Variants in TNFSF13B observed in about 807,000 individuals in gnomAD.
TNFSF13B encodes TNF superfamily member 13b.
In TNFSF13B, 8 loss-of-function variants were observed where a neutral mutation model predicts 29.1. The ratio of observed to expected loss-of-function variants is 0.27; its 90% CI spans 0.16 to 0.50. The LOEUF is 0.50. Ranked by LOEUF, TNFSF13B falls within the 20% of genes least tolerant of loss-of-function variation. The pLI is 0.98. For missense variants in TNFSF13B, 248 were observed against 334.9 expected (o/e 0.74, Z 2.03); for synonymous variants, 125 against 130.8 (o/e 0.96, Z 0.30).
In TNFSF13B at chr13:108,269,886, A is replaced by G. The variant is rs371268283; in HGVS notation, c.-10A>G. The G allele has an allele frequency of 3.8e-6, 6 of 1,590,650 alleles. No homozygotes were observed. The African/African-American group carries it at 8.1e-5, about 22-fold the overall frequency. On this transcript the variant is annotated 5_prime_UTR_variant, in exon 1 of 6. Transcript: ENST00000375887. ...CTAAAGGCCCCAACCTTCAAAGTTC[A>G]AGTAGTGATATGGATGACTCCACAG...
chr13:108,273,872 C>G (rs1453957584), intron 2 of TNFSF13B, among the ~76,000 whole-genome samples: 1 of 152,050 alleles, frequency 6.6e-6, no homozygotes, highest in Non-Finnish European at 1.5e-5. Context: ...GTTTGAACCG[C>G]GAGGGTCCCC....
intron 2 of TNFSF13B, among the ~76,000 whole-genome samples, chr13:108,284,896 G>T (rs921210019): frequency 6.6e-6 from 1 of 152,116 alleles, no homozygotes; most frequent in Admixed American, 6.5e-5. Context: ...GTACGCTTGG[G>T]GCTTTAGCTG....
intron 2 of TNFSF13B, among the ~76,000 whole-genome samples, chr13:108,278,707 C>T (rs1476052928): frequency 6.8e-6 from 1 of 147,758 alleles, no homozygotes; most frequent in African/African-American, 2.5e-5. Context: ...CCTCCTCCTC[C>T]CCTTCTCTTC....
At chr13:108,306,410 G>GTA (rs1189007940) in intron 5 of TNFSF13B, among the ~76,000 whole-genome samples, 1 of 151,752 alleles carries the variant, frequency 6.6e-6, no homozygotes, top group Admixed American at 6.6e-5. Flanking sequence ...GGAATATCTA[G>GTA]TATATATATG....
At chr13:108,275,979 A>G (rs988118610) in intron 2 of TNFSF13B, among the ~76,000 whole-genome samples, 3 of 152,210 alleles carry the variant, frequency 2.0e-5, no homozygotes, top group Admixed American at 6.5e-5. Context: ...AAACCTTTCT[A>G]ATTGCTAAAA....
intron 2 of TNFSF13B, among the ~76,000 whole-genome samples, chr13:108,272,760 A>G (rs1880655725): frequency 6.6e-6 from 1 of 152,056 alleles, no homozygotes; most frequent in Admixed American, 6.5e-5. Context: ...AGAGGCTTCA[A>G]TAACTAGTAG....
chr13:108,282,297 T>A (rs1489308211), intron 2 of TNFSF13B, among the ~76,000 whole-genome samples: 3 of 152,218 alleles, frequency 2.0e-5, no homozygotes, highest in Non-Finnish European at 4.4e-5. Context: ...CTGCAGTAAT[T>A]GCGTTATTTA....
rs779925647 is a variant in TNFSF13B at position 108,270,159 on chromosome 13, G to A, written c.264G>A (p.Ala88=). The part of the protein sequence containing the change: ...SLRAELQGHH[A]EKLPAGAGAP... ...GGGCAGAGCTGCAGGGCCACCACGC[G>A]GAGAAGCTGCCAGCAGGAGCAGGAG... The change falls in exon 1 of 6, where the codon GCG becomes GCA. Residue 88 remains alanine (A), a synonymous_variant. Transcript: ENST00000375887. 3.1e-6 allele frequency: 5 copies of A among 1,601,992 alleles called. No homozygotes were observed. The highest frequency in any genetic ancestry group is 2.2e-5 in the South Asian group (2 of 91,052).
chr13:108,275,177 C>T (rs1358559500), intron 2 of TNFSF13B, among the ~76,000 whole-genome samples: 3 of 151,874 alleles, frequency 2.0e-5, no homozygotes, highest in Non-Finnish European at 4.4e-5. Context: ...GGAGATATTC[C>T]CAATTTAAAA....
At position 108,306,839 on chromosome 13, in the gene TNFSF13B, G is replaced by A. The variant is rs764587437; in HGVS notation, c.759G>A (p.Leu253=). 2 of 1,607,430 alleles carry A rather than the reference G, an allele frequency of 1.2e-6. No individual in the cohort carries two copies. The highest frequency in any genetic ancestry group is 1.3e-5 in the African/African-American group (1 of 74,350). The change falls in exon 6 of 6, where the codon CTG becomes CTA. Residue 253 remains leucine, a synonymous_variant. Coordinates refer to ENST00000375887, the MANE Select transcript of TNFSF13B (RefSeq NM_006573.5). Reference sequence around the variant, plus strand: ...ATTTTTTCCCAGGCATTGCAAAACTGGAAGAAGGAGATGAACTCCAACTTG... The same window carrying A: ...ATTTTTTCCCAGGCATTGCAAAACTAGAAGAAGGAGATGAACTCCAACTTG... ...NSCYSAGIAK[L]EEGDELQLAI...
intron 2 of TNFSF13B, among the ~76,000 whole-genome samples, chr13:108,284,283 C>T (rs1486035188): frequency 2.0e-5 from 3 of 152,038 alleles, no homozygotes; most frequent in African/African-American, 7.2e-5. Context: ...GAGCTGAGAT[C>T]GCGCCACTGC....
rs1041922122 is a variant in TNFSF13B at position 108,298,171 on chromosome 13, C to T, written c.482-5082C>T. Among the ~76,000 whole-genome samples the T allele has an allele frequency of 4.8e-5, 7 of 145,116 alleles. 2 individuals are homozygous for T. Among genetic ancestry groups the T allele is most frequent in the Non-Finnish European group, 4.6e-5 (3 of 65,406 alleles). On this transcript the variant is annotated intron_variant, in intron 3 of 5. Coordinates refer to ENST00000375887, the MANE Select transcript of TNFSF13B (RefSeq NM_006573.5). The stretch of plus-strand genomic sequence containing the variant: ...TATCAATTGTAATAAATGTATCACT[C>T]TGGTGGGGGATTTTGATAATGGGAG...
rs754574229 is a variant in TNFSF13B at position 108,306,911 on chromosome 13, A to G, written c.831A>G (p.Thr277=). Reference sequence around the variant, plus strand: ...AAATATCACTGGATGGAGATGTCACATTTTTTGGTGCATTGAAACTGCTGT... The same window carrying G: ...AAATATCACTGGATGGAGATGTCACGTTTTTTGGTGCATTGAAACTGCTGT... ...NAQISLDGDV[T]FFGALKLL Residue 277 remains threonine, a synonymous_variant, in exon 6 of 6, where the codon ACA becomes ACG. Transcript: ENST00000375887. The G allele has an allele frequency of 1.5e-5, 24 of 1,603,534 alleles. No individual in the cohort carries two copies. The highest frequency in any genetic ancestry group is 5.1e-6 in the Non-Finnish European group (6 of 1,176,138).
chr13:108,303,636 T>C (rs753002687), intron 5 of TNFSF13B, 32 bp downstream of exon 5: 1 of 1,580,636 alleles, frequency 6.3e-7, no homozygotes, highest in Non-Finnish European at 8.6e-7. Context: ...CTGCTAATTG[T>C]GAAATGAAGA....
At chr13:108,280,922 G>A (rs982540417) in intron 2 of TNFSF13B, among the ~76,000 whole-genome samples, 5 of 152,034 alleles carry the variant, frequency 3.3e-5, no homozygotes, top group South Asian at 4.1e-4. Flanking sequence ...GTGGTACCTC[G>A]GCCTCTAATG....
chr13:108,277,968 G>A (rs887106940), intron 2 of TNFSF13B, among the ~76,000 whole-genome samples: 1 of 152,148 alleles, frequency 6.6e-6, no homozygotes, highest in Non-Finnish European at 1.5e-5. Flanking sequence ...GTAGGTCTCA[G>A]TTATTTTACC....
intron 5 of TNFSF13B, among the ~76,000 whole-genome samples, chr13:108,305,823 A>G (rs1438596638): frequency 6.6e-6 from 1 of 152,146 alleles, no homozygotes; most frequent in Non-Finnish European, 1.5e-5. Context: ...TTCAATAAAT[A>G]AACTCCCCCT....
At chr13:108,294,671 G>T (rs114253629) in intron 3 of TNFSF13B, among the ~76,000 whole-genome samples, 1 of 147,152 alleles carries the variant, frequency 6.8e-6, no homozygotes, top group African/African-American at 2.5e-5. Flanking sequence ...ATTCTGGCCT[G>T]TAGTTTTTTG....
At chr13:108,287,608 A>G (rs1365935574) in intron 3 of TNFSF13B, among the ~76,000 whole-genome samples, 1 of 152,198 alleles carries the variant, frequency 6.6e-6, no homozygotes, top group East Asian at 1.9e-4. Flanking sequence ...TATCTTTAAG[A>G]ATGACTCAAG....
Sources: gnomAD v4.1 joint callset for allele counts (sites outside exome capture counted in the v4.1 genomes callset) on GRCh38, gnomAD v4.1.1 for gene constraint, MANE v1.5 for transcripts, NCBI Gene and HGNC (gene_info 2026-07-23, HGNC 2026-07-21) for gene names.